The following MTFR1 variants were observed in gnomAD, a reference collection of about 807,000 sequenced individuals.
MTFR1 encodes chondrocyte protein with a poly-proline region.
Under a neutral mutation model 38.8 loss-of-function variants are expected in MTFR1, and 28 were observed. The observed-to-expected ratio is 0.72, with a 90% CI of 0.53 to 0.99. The LOEUF (loss-of-function observed/expected upper bound fraction) is 0.99, where lower values mean the gene tolerates loss of function less well. Among genes scored for constraint, MTFR1 ranks in the 50% least tolerant of loss-of-function variants. MTFR1 has a pLI of 0.00. For missense variants in MTFR1, 358 were observed against 395.5 expected (o/e 0.91, Z 0.81); for synonymous variants, 145 against 137.0 (o/e 1.06, Z -0.41).
At chr8:65,747,839 T>C in intron 3 of MTFR1, 1 of 1,462,888 alleles carries the variant, frequency 6.8e-7, no homozygotes, top group Non-Finnish European at 9.4e-7. Context: ...GTATAGCAAG[T>C]TAAAATTATA....
chr8:65,704,652 C>T, intron 4 of MTFR1, 42 bp from the exon 5 acceptor site: 1 of 1,551,688 alleles, frequency 6.4e-7, no homozygotes, highest in Non-Finnish European at 8.9e-7. Flanking sequence ...TTCACGTTCT[C>T]TTACAAAGCC....
intron 7 of MTFR1, among the ~76,000 whole-genome samples, chr8:65,708,592 G>T (rs529760191): frequency 1.7e-4 from 26 of 152,270 alleles, no homozygotes; most frequent in Non-Finnish European, 3.4e-4. Flanking sequence ...CTGTCCTGGG[G>T]CGTGTGTGTG....
intron 1 of MTFR1, among the ~76,000 whole-genome samples, chr8:65,667,722 T>C (rs66817670): frequency 0.19 from 29,218 of 152,214 alleles, 2,969 homozygotes; most frequent in Middle Eastern, 0.23. Context: ...CCACCACACC[T>C]GGCCAAATTC....
intron 1 of MTFR1, among the ~76,000 whole-genome samples, chr8:65,665,867 C>T (rs926162987): frequency 6.6e-6 from 1 of 152,062 alleles, no homozygotes; most frequent in Non-Finnish European, 1.5e-5. Context: ...TTCCTGTTAG[C>T]ATTAACCTAC....
intron 3 of MTFR1, among the ~76,000 whole-genome samples, chr8:65,730,701 G>A (rs1275554794): frequency 1.6e-4 from 25 of 152,100 alleles, no homozygotes; most frequent in Non-Finnish European, 1.5e-5. Flanking sequence ...GCCAAGGCAG[G>A]CAGATCACTT....
chr8:65,746,925 T>C (rs1487673944), intron 3 of MTFR1, among the ~76,000 whole-genome samples: 1 of 152,232 alleles, frequency 6.6e-6, no homozygotes, highest in South Asian at 2.1e-4. Context: ...GAATCTGGTC[T>C]GTAAATATTA....
chr8:65,755,098 G>T (rs1322374098), intron 3 of MTFR1, among the ~76,000 whole-genome samples: 4 of 143,018 alleles, frequency 2.8e-5, no homozygotes, highest in African/African-American at 7.8e-5. Context: ...TCGGCTCACT[G>T]TAACGTCTGC....
chr8:65,659,474 G>A (rs1291914103), intron 1 of MTFR1, among the ~76,000 whole-genome samples: 1 of 142,156 alleles, frequency 7.0e-6, no homozygotes, highest in African/African-American at 2.6e-5. Flanking sequence ...TTGCCTCTGT[G>A]TCACTCCCCC....
chr8:65,652,958 C>T (rs1248507255), intron 1 of MTFR1, among the ~76,000 whole-genome samples: 1 of 152,164 alleles, frequency 6.6e-6, no homozygotes, highest in Non-Finnish European at 1.5e-5. Flanking sequence ...TGGAACCAAT[C>T]CCCTGTGGAT....
chr8:65,740,724 C>T (rs990259694), intron 3 of MTFR1, among the ~76,000 whole-genome samples: 2 of 152,120 alleles, frequency 1.3e-5, no homozygotes, highest in Admixed American at 1.3e-4. Context: ...TTTCAAAAGC[C>T]AATCCATCCA....
At chr8:65,719,350 G>A (rs1806280288) in intron 2 of MTFR1, 1 of 1,613,978 alleles carries the variant, frequency 6.2e-7, no homozygotes, top group Non-Finnish European at 8.5e-7. Context: ...CAGCATCAGT[G>A]TCCTCACTGC....
intron 5 of MTFR1, among the ~76,000 whole-genome samples, chr8:65,706,783 A>C (rs949759648): frequency 1.3e-5 from 2 of 152,184 alleles, no homozygotes; most frequent in Non-Finnish European, 2.9e-5. Context: ...CTGTTAAGTT[A>C]AATAGAAATT....
intron 1 of MTFR1, among the ~76,000 whole-genome samples, chr8:65,649,342 G>A (rs763221058): frequency 6.6e-6 from 1 of 151,938 alleles, no homozygotes; most frequent in Admixed American, 6.6e-5. Flanking sequence ...CCGCCACCAC[G>A]ACCTGCTAAT....
chr8:65,708,164 T>C, intron 7 of MTFR1, 153 bp downstream of exon 7: 1 of 1,485,878 alleles, frequency 6.7e-7, no homozygotes, highest in South Asian at 1.2e-5. Context: ...AGATCACGGC[T>C]GGTTGGGAAA....
At chr8:65,667,080 C>T (rs1804402747) in intron 1 of MTFR1, among the ~76,000 whole-genome samples, 1 of 152,154 alleles carries the variant, frequency 6.6e-6, no homozygotes, top group African/African-American at 2.4e-5. Context: ...GAGATTAAAA[C>T]CAGCCTGACC....
Position 65,704,709 on chromosome 8 carries a change from A to G in MTFR1, c.297A>G (p.Ser99=). 6.2e-7 allele frequency: 1 copy of G among 1,614,110 alleles called. No individual in the cohort carries two copies. The highest frequency in any genetic ancestry group is 8.5e-7 in the Non-Finnish European group (1 of 1,180,000). Residue 99 remains serine, a synonymous_variant, in exon 5 of 8, where the codon TCA becomes TCG. Transcript: ENST00000262146. ...TTCCTTGCAGGACAGAGGTCAGATC[A>G]AGGCCACCCCTTCAGGATGACCTTC... ...CSARLRTEVR[S]RPPLQDDLLF...
At chr8:65,659,334 C>G (rs1809348269) in intron 1 of MTFR1, among the ~76,000 whole-genome samples, 1 of 151,908 alleles carries the variant, frequency 6.6e-6, no homozygotes, top group African/African-American at 2.4e-5. Flanking sequence ...CAAAAGTTTT[C>G]TCAGCAAGGC....
chr8:65,738,033 C>T (rs905639827), intron 3 of MTFR1, among the ~76,000 whole-genome samples: 7 of 151,956 alleles, frequency 4.6e-5, no homozygotes, highest in African/African-American at 1.7e-4. Context: ...TGTTAAGTTC[C>T]AGACTACTAA....
At chr8:65,685,898 G>C (rs1033290925) in intron 3 of MTFR1, among the ~76,000 whole-genome samples, 1 of 152,076 alleles carries the variant, frequency 6.6e-6, no homozygotes, top group Non-Finnish European at 1.5e-5. Context: ...TGCTCTACAG[G>C]GTTGAGGAGA....
Sources: gnomAD v4.1 joint callset for allele counts (sites outside exome capture counted in the v4.1 genomes callset) on GRCh38, gnomAD v4.1.1 for gene constraint, MANE v1.5 for transcripts, NCBI Gene and HGNC (gene_info 2026-07-23, HGNC 2026-07-21) for gene names.